The following GP1BA variants were observed in gnomAD, a reference collection of about 807,000 sequenced individuals.
The protein encoded by GP1BA is platelet glycoprotein Ib alpha chain.
Under a neutral mutation model 5.6 loss-of-function variants are expected in GP1BA, and 3 were observed. The ratio of observed to expected loss-of-function variants is 0.53; its 90% CI spans 0.24 to 1.38. The LOEUF is 1.38. GP1BA is among the 40% of genes most tolerant of loss of function. The pLI, the probability that GP1BA is intolerant of heterozygous loss-of-function variation, is 0.16. For missense variants in GP1BA, 707 were observed against 801.4 expected (o/e 0.88, Z 1.42); for synonymous variants, 323 against 358.3 (o/e 0.90, Z 1.11).
Position 4,932,527 on chromosome 17 carries a change from A to G in GP1BA, c.-6-72A>G. 1.5e-6 allele frequency: 2 copies of G among 1,376,116 alleles called. No individual in the cohort carries two copies. Among genetic ancestry groups the G allele is most frequent in the Non-Finnish European group, 9.8e-7 (1 of 1,021,030 alleles). 85.2% of individuals were successfully genotyped at this position (1,376,116 alleles called of 1,614,324 possible). ...TTTCTGGAAGCGAAGCTGCAGGGGG[A>G]AGGGGGCTGGGGCCTGGGGGGATGC... On this transcript the variant is annotated intron_variant, in intron 1 of 1. Coordinates refer to ENST00000329125, the MANE Select transcript of GP1BA (RefSeq NM_000173.7). This position sits in a 1 kb window ranked among gnomAD's most constrained non-coding sequence, Gnocchi z 4.8.
In GP1BA at chr17:4,934,554, C is replaced by T. The variant is rs766096662; in HGVS notation, c.1950C>T (p.His650=). The stretch of plus-strand genomic sequence containing the variant: ...CAGTGAGCATTAGGTACTCTGGCCA[C>T]AGCCTCTGAGGGTGGGAGGTTTGGG... The part of the protein sequence containing the change: ...LSTVSIRYSG[H]SL Residue 650 remains histidine, a synonymous_variant, in exon 2 of 2, where the codon CAC becomes CAT. Coordinates refer to ENST00000329125, the MANE Select transcript of GP1BA (RefSeq NM_000173.7). The T allele has an allele frequency of 1.2e-6, 2 of 1,613,808 alleles. No individual in the cohort carries two copies. The highest frequency in any genetic ancestry group is 2.7e-5 in the African/African-American group (2 of 74,936).
In GP1BA at chr17:4,934,856, G is replaced by C. The variant is rs1970398919; in HGVS notation, c.*293G>C. The C allele has an allele frequency of 4.0e-6, 2 of 504,946 alleles. No individual in the cohort carries two copies. The highest frequency in any genetic ancestry group is 4.4e-5 in the South Asian group (2 of 45,732). 31.3% of individuals were successfully genotyped at this position (504,946 alleles called of 1,614,324 possible). A position where few individuals can be genotyped will look rare whatever the true frequency, so the allele number is the denominator to read the frequency against. On this transcript the variant is annotated 3_prime_UTR_variant, in exon 2 of 2. Coordinates refer to ENST00000329125, the MANE Select transcript of GP1BA (RefSeq NM_000173.7). ...GCAGAATACAGCATGGTTCCCACAT[G>C]CATCTATGCACAGAAGAAAATCTGG...
rs745330132 is a variant in GP1BA at position 4,933,360 on chromosome 17, C to T, written c.756C>T (p.Val252=). Residue 252 remains valine, a synonymous_variant, in exon 2 of 2, where the codon GTC becomes GTT. Coordinates refer to ENST00000329125, the MANE Select transcript of GP1BA (RefSeq NM_000173.7). ...ACGTATGGAAGCAAGGTGTGGACGT[C>T]AAGGCCATGACCTCTAACGTGGCCA... ...NVYVWKQGVD[V]KAMTSNVASV... 37 of 1,613,978 alleles carry T rather than the reference C, an allele frequency of 2.3e-5. 1 individual carries two copies. The South Asian group carries it at 4.0e-4, about 17-fold the overall frequency.
chr17:4,934,765 G>T lies in GP1BA; in HGVS notation c.*202G>T. ...GAAGGGGTAATGACATGGACTTGGC[G>T]GGGGGACAAGACAAAGCTCCCGATG... On this transcript the variant is annotated 3_prime_UTR_variant, in exon 2 of 2. Transcript: ENST00000329125. 1 of 630,388 alleles carries T rather than the reference G, an allele frequency of 1.6e-6. No homozygotes were observed. The highest frequency in any genetic ancestry group is 2.8e-6 in the Non-Finnish European group (1 of 352,090). The allele number at this position is 630,388 out of a possible 1,614,324, so 39.0% of individuals were successfully genotyped here.
chr17:4,932,355 T>TCTGC lies in GP1BA; in HGVS notation c.-9_-7+1dup. The TCTGC allele has an allele frequency of 7.3e-7, 1 of 1,373,814 alleles. No individual in the cohort carries two copies. The highest frequency in any genetic ancestry group is 9.4e-7 in the Non-Finnish European group (1 of 1,062,476). The allele number at this position is 1,373,814 out of a possible 1,614,324, so 85.1% of individuals were successfully genotyped here. ...GACGCTCTGTGCCTTCGGAGGTCTTTCTGCCTGCCTGTAAGCCGGGGTTGG... is the reference window on the plus strand; with the variant it reads ...GACGCTCTGTGCCTTCGGAGGTCTTTCTGCCTGCCTGCCTGTAAGCCGGGGTTGG... On this transcript the variant is annotated 5_prime_UTR_variant, in exon 1 of 2. Transcript: ENST00000329125. This position sits in a 1 kb window ranked among gnomAD's most constrained non-coding sequence, Gnocchi z 4.8.
chr17:4,934,248 C>T lies in GP1BA; in HGVS notation c.1644C>T (p.Leu548=). 1.2e-6 allele frequency: 2 copies of T among 1,613,808 alleles called. No individual in the cohort carries two copies. The highest frequency in any genetic ancestry group is 1.7e-6 in the Non-Finnish European group (2 of 1,179,710). ...GGCTGCTCTTTGCCTCTGTGGTCCT[C>T]ATCCTGCTGCTGAGCTGGGTTGGGC... ...LFWLLFASVV[L]ILLLSWVGHV... The change falls in exon 2 of 2, where the codon CTC becomes CTT. Residue 548 remains leucine (L), a synonymous_variant. Transcript: ENST00000329125.
Position 4,933,537 on chromosome 17 carries a change from G to A in GP1BA, c.933G>A (p.Val311=). The A allele has an allele frequency of 6.2e-7, 1 of 1,613,870 alleles. No homozygotes were observed. The highest frequency in any genetic ancestry group is 1.1e-5 in the South Asian group (1 of 91,078). ...ATAAGGTGCGTGCCACAAGGACTGT[G>A]GTCAAGTTCCCCACCAAAGCCCATA... ...EGDKVRATRT[V]VKFPTKAHTT... is the part of the protein sequence containing the mutation. The change falls in exon 2 of 2, where the codon GTG becomes GTA. Residue 311 remains valine, a synonymous_variant. Coordinates refer to ENST00000329125, the MANE Select transcript of GP1BA (RefSeq NM_000173.7).
In GP1BA at chr17:4,932,669, T is replaced by C. The variant is rs779826628; in HGVS notation, c.65T>C (p.Val22Ala). 1.2e-6 allele frequency: 2 copies of C among 1,613,464 alleles called. No individual in the cohort carries two copies. Among genetic ancestry groups the C allele is most frequent in the African/African-American group, 1.3e-5 (1 of 74,778 alleles). ...SPLHPHPICE[V>A]SKVASHLEVN... ...TTACACCCCCACCCCATCTGTGAGG[T>C]CTCCAAAGTGGCCAGCCACCTAGAA... The change falls in exon 2 of 2, where the codon GTC becomes GCC. Residue 22 changes from valine (V) to alanine (A), a missense_variant. Physicochemically the swap from Val to Ala is moderately conservative, Grantham distance 64 (BLOSUM62 0). Transcript: ENST00000329125. The surrounding 1 kb of genome is among the most constrained non-coding windows in gnomAD (Gnocchi z 4.8).
Position 4,932,888 on chromosome 17 carries a change from T to G in GP1BA, c.284T>G (p.Leu95Arg). 6.2e-7 allele frequency: 1 copy of G among 1,614,016 alleles called. No individual in the cohort carries two copies. The highest frequency in any genetic ancestry group is 8.5e-7 in the Non-Finnish European group (1 of 1,179,902). The change falls in exon 2 of 2, where the codon CTG (leucine) becomes CGG (arginine). Residue 95 changes from leucine to arginine, a missense_variant. Physicochemically the swap from Leu to Arg is moderately radical, Grantham distance 102 (BLOSUM62 -2). Transcript: ENST00000329125. This position sits in a 1 kb window ranked among gnomAD's most constrained non-coding sequence, Gnocchi z 4.8. ...KLQVDGTLPVLGTLDLSHNQL... is the reference protein window; with the variant it reads ...KLQVDGTLPVRGTLDLSHNQL... ...CAGGTCGATGGGACGCTGCCAGTGCTGGGGACCCTGGATCTATCCCACAAT... is the reference window on the plus strand; with the variant it reads ...CAGGTCGATGGGACGCTGCCAGTGCGGGGGACCCTGGATCTATCCCACAAT...
In GP1BA at chr17:4,934,356, G is replaced by A. The variant is rs1234671650; in HGVS notation, c.1752G>A (p.Arg584=). 6.2e-7 allele frequency: 1 copy of A among 1,613,994 alleles called. No homozygotes were observed. The highest frequency in any genetic ancestry group is 8.5e-7 in the Non-Finnish European group (1 of 1,179,902). Residue 584 remains arginine, a synonymous_variant, in exon 2 of 2, where the codon AGG becomes AGA. Transcript: ENST00000329125. The part of the protein sequence containing the change: ...ATQTTHLELQ[R]GRQVTVPRAW... ...AAACCACACACCTGGAGCTGCAGAG[G>A]GGACGGCAAGTGACAGTGCCCCGGG...
chr17:4,932,675 A>C lies in GP1BA; in HGVS notation c.71A>C (p.Lys24Thr). The C allele has an allele frequency of 6.2e-7, 1 of 1,613,820 alleles. No homozygotes were observed. The highest frequency in any genetic ancestry group is 1.1e-5 in the South Asian group (1 of 91,078). The change falls in exon 2 of 2, where the codon AAA (lysine) becomes ACA (threonine). Residue 24 changes from lysine to threonine, a missense_variant. By Grantham distance (78) the Lys-to-Thr change is moderately conservative. Coordinates refer to ENST00000329125, the MANE Select transcript of GP1BA (RefSeq NM_000173.7). The surrounding 1 kb of genome is among the most constrained non-coding windows in gnomAD (Gnocchi z 4.8). ...LHPHPICEVS[K>T]VASHLEVNCD... Reference sequence around the variant, plus strand: ...CCCCACCCCATCTGTGAGGTCTCCAAAGTGGCCAGCCACCTAGAAGTGAAC... The same window carrying C: ...CCCCACCCCATCTGTGAGGTCTCCACAGTGGCCAGCCACCTAGAAGTGAAC...
rs1970399825 is a variant in GP1BA at position 4,934,933 on chromosome 17, T to C, written c.*370T>C. The C allele has an allele frequency of 3.6e-6, 1 of 278,656 alleles. No individual in the cohort carries two copies. The highest frequency in any genetic ancestry group is 7.3e-6 in the Non-Finnish European group (1 of 137,216). The allele number at this position is 278,656 out of a possible 1,614,324, so 17.3% of individuals were successfully genotyped here. A position where few individuals can be genotyped will look rare whatever the true frequency, so the allele number is the denominator to read the frequency against. On this transcript the variant is annotated 3_prime_UTR_variant, in exon 2 of 2. Transcript: ENST00000329125. ...TCGTTGTGTCTGGATGTTACAAATA[T>C]GGGTGGTTTTATTTTCTTTTTCCCT...
Position 4,934,108 on chromosome 17 carries a change from C to T in GP1BA, c.1504C>T (p.Pro502Ser). Reference sequence around the variant, plus strand: ...AACCATCCCTGAACTTGATCAGCCACCAAAGCTCCGTGGGGTGCTCCAAGG... The same window carrying T: ...AACCATCCCTGAACTTGATCAGCCATCAAAGCTCCGTGGGGTGCTCCAAGG... ...KKTIPELDQP[P>S]KLRGVLQGHL... The change falls in exon 2 of 2, where the codon CCA (proline) becomes TCA (serine). Residue 502 changes from proline (P) to serine (S), a missense_variant. Physicochemically the swap from Pro to Ser is moderately conservative, Grantham distance 74 (BLOSUM62 -1). Around this residue, in one of 3 missense-constraint regions of GP1BA, gnomAD observed 247 missense variants for 246.6 expected, o/e 1.00. Transcript: ENST00000329125. 1 of 1,613,848 alleles carries T rather than the reference C, an allele frequency of 6.2e-7. No homozygotes were observed. Among genetic ancestry groups the T allele is most frequent in the Non-Finnish European group, 8.5e-7 (1 of 1,179,904 alleles).
Position 4,932,812 on chromosome 17 carries a change from T to TA in GP1BA, c.209dup (p.Tyr70Ter), listed in dbSNP as rs777896666. ...CTTCTCCCTGGCAACCCTGATGCCT[T>TA]ACACTCGCCTCACTCAGCTGAACCT... ...YTFSLATLMP[Y>*]TRLTQLNLDR... is the part of the protein sequence containing the mutation. Residue 70 changes from tyrosine to a stop codon, truncating the protein, a stop_gained and frameshift_variant, in exon 2 of 2, where the codon TAC becomes TAAC. Coordinates refer to ENST00000329125, the MANE Select transcript of GP1BA (RefSeq NM_000173.7). LOFTEE classifies it low-confidence loss of function (END_TRUNC). The surrounding 1 kb of genome is among the most constrained non-coding windows in gnomAD (Gnocchi z 4.8). 6.2e-7 allele frequency: 1 copy of TA among 1,613,886 alleles called. No individual in the cohort carries two copies. The highest frequency in any genetic ancestry group is 1.3e-5 in the African/African-American group (1 of 74,916).
Position 4,933,249 on chromosome 17 carries a change from T to C in GP1BA, c.645T>C (p.Phe215=), listed in dbSNP as rs775996916. 2 of 1,614,042 alleles carry C rather than the reference T, an allele frequency of 1.2e-6. No homozygotes were observed. The highest frequency in any genetic ancestry group is 3.3e-5 in the Admixed American group (2 of 60,030). The change falls in exon 2 of 2, where the codon TTT becomes TTC. Residue 215 remains phenylalanine (F), a synonymous_variant. Coordinates refer to ENST00000329125, the MANE Select transcript of GP1BA (RefSeq NM_000173.7). ...TTTTTGGGTCCCACCTCCTGCCTTT[T>C]GCTTTTCTCCACGGGAACCCCTGGT... ...KGFFGSHLLP[F]AFLHGNPWLC...
chr17:4,934,135 C>A lies in GP1BA; in HGVS notation c.1531C>A (p.His511Asn). 1 of 1,613,856 alleles carries A rather than the reference C, an allele frequency of 6.2e-7. No individual in the cohort carries two copies. ...AAAGCTCCGTGGGGTGCTCCAAGGG[C>A]ATTTGGAGAGCTCCAGAAATGACCC... is the stretch of plus-strand genomic sequence containing the variant. ...PPKLRGVLQG[H>N]LESSRNDPFL... is the part of the protein sequence containing the mutation. The change falls in exon 2 of 2, where the codon CAT becomes AAT. Residue 511 changes from histidine (H) to asparagine (N), a missense_variant. This residue lies in a region of GP1BA where 247 missense variants were observed against 246.6 expected (regional missense o/e 1.00). Transcript: ENST00000329125.
At position 4,933,444 on chromosome 17, in the gene GP1BA, C is replaced by T; in HGVS notation, c.840C>T (p.Cys280=). Residue 280 remains cysteine (C), a synonymous_variant, in exon 2 of 2, where the codon TGC becomes TGT. Transcript: ENST00000329125. ...TCTACAAATACCCAGGAAAGGGGTG[C>T]CCCACCCTTGGTGATGAAGGTGACA... ...FPVYKYPGKG[C]PTLGDEGDTD... is the part of the protein sequence containing the mutation. 6.2e-7 allele frequency: 1 copy of T among 1,613,878 alleles called. No individual in the cohort carries two copies. The highest frequency in any genetic ancestry group is 8.5e-7 in the Non-Finnish European group (1 of 1,179,832).
In GP1BA at chr17:4,934,566, G is replaced by T. The variant is rs753267799; in HGVS notation, c.*3G>T. The T allele has an allele frequency of 4.3e-6, 7 of 1,613,762 alleles. No individual in the cohort carries two copies. The highest frequency in any genetic ancestry group is 5.1e-6 in the Non-Finnish European group (6 of 1,179,778). On this transcript the variant is annotated 3_prime_UTR_variant, in exon 2 of 2. Coordinates refer to ENST00000329125, the MANE Select transcript of GP1BA (RefSeq NM_000173.7). ...GGTACTCTGGCCACAGCCTCTGAGG[G>T]TGGGAGGTTTGGGGACCTTGAGAGA... is the stretch of plus-strand genomic sequence containing the variant.
In GP1BA at chr17:4,933,499, G is replaced by A. The variant is rs1215563012; in HGVS notation, c.895G>A (p.Asp299Asn). 1.9e-5 allele frequency: 31 copies of A among 1,613,746 alleles called. No individual in the cohort carries two copies. The highest frequency in any genetic ancestry group is 2.6e-5 in the Non-Finnish European group (31 of 1,179,856). Residue 299 changes from aspartate (D) to asparagine (N), a missense_variant, in exon 2 of 2, where the codon GAC (aspartate) becomes AAC (asparagine). By Grantham distance (23) the Asp-to-Asn change is conservative. Around this residue, in one of 3 missense-constraint regions of GP1BA, gnomAD observed 442 missense variants for 498.8 expected, o/e 0.89. Coordinates refer to ENST00000329125, the MANE Select transcript of GP1BA (RefSeq NM_000173.7). ...CCTATATGATTACTACCCAGAAGAGGACACTGAGGGCGATAAGGTGCGTGC... is the reference window on the plus strand; with the variant it reads ...CCTATATGATTACTACCCAGAAGAGAACACTGAGGGCGATAAGGTGCGTGC... ...TDLYDYYPEE[D>N]TEGDKVRATR...
Sources: allele counts gnomAD v4.1 joint callset, GRCh38; gene constraint gnomAD v4.1.1; regional missense constraint gnomAD v4.1.1; non-coding constraint Gnocchi (gnomAD v3.1); transcripts MANE v1.5; gene names NCBI Gene and HGNC (gene_info 2026-07-23, HGNC 2026-07-21).